FAM222B: variants seen among roughly 807,000 people sequenced by gnomAD.
FAM222B encodes protein FAM222B.
Under a neutral mutation model 38.0 loss-of-function variants are expected in FAM222B, and 12 were observed. That is an observed-to-expected ratio of 0.32 (90% confidence interval 0.20 to 0.51). The LOEUF (loss-of-function observed/expected upper bound fraction) is 0.51, where lower values mean the gene tolerates loss of function less well. Among genes scored for constraint, FAM222B ranks in the 20% least tolerant of loss-of-function variants. FAM222B has a pLI of 0.97. For missense variants in FAM222B, 716 were observed against 754.2 expected, an observed-to-expected ratio of 0.95 and a Z score of 0.59; for synonymous variants, 329 against 317.2, an observed-to-expected ratio of 1.04 and a Z score of -0.40.
At chr17:28,851,079 G>A (rs1274933822) in intron 1 of FAM222B, among the ~76,000 whole-genome samples, 1 of 151,610 alleles carries the variant, frequency 6.6e-6, no homozygotes, top group South Asian at 2.1e-4. Context: ...AGATCGCACC[G>A]CTGCACTCCA....
chr17:28,761,297 C>T (rs1457086841), intron 2 of FAM222B, among the ~76,000 whole-genome samples: 4 of 152,216 alleles, frequency 2.6e-5, no homozygotes, highest in African/African-American at 7.2e-5. Context: ...TCTACTCTCT[C>T]GTCTCTGAGG....
At chr17:28,848,136 G>A (rs1007405567) in intron 1 of FAM222B, among the ~76,000 whole-genome samples, 2 of 152,012 alleles carry the variant, frequency 1.3e-5, no homozygotes, top group Non-Finnish European at 2.9e-5. Flanking sequence ...CTTTCTCTGG[G>A]TTGGCTCTCC....
intron 1 of FAM222B, among the ~76,000 whole-genome samples, chr17:28,778,341 G>T (rs2035990959): frequency 6.6e-6 from 1 of 151,824 alleles, no homozygotes; most frequent in Admixed American, 6.6e-5. Flanking sequence ...GTGAGAACAT[G>T]CGGTGTTTGG....
chr17:28,758,163 A>T lies in FAM222B; in HGVS notation c.*107T>A, dbSNP rs2034801347. ...AAATTCCCTTTCTTAGACATCTAAGAATGATCACACTGGAGCAGTGAAACT... is the reference window on the plus strand; with the variant it reads ...AAATTCCCTTTCTTAGACATCTAAGTATGATCACACTGGAGCAGTGAAACT... On this transcript the variant is annotated 3_prime_UTR_variant, in exon 3 of 3. Transcript: ENST00000581407. 1 of 1,004,148 alleles carries T rather than the reference A, an allele frequency of 1.0e-6. No homozygotes were observed. The highest frequency in any genetic ancestry group is 2.9e-5 in the Admixed American group (1 of 34,122). 62.2% of individuals were successfully genotyped at this position (1,004,148 alleles called of 1,614,324 possible).
chr17:28,832,212 A>T (rs2038692550), intron 1 of FAM222B, among the ~76,000 whole-genome samples: 1 of 152,098 alleles, frequency 6.6e-6, no homozygotes, highest in African/African-American at 2.4e-5. Context: ...ATAAAAATAA[A>T]AAATAATAAA....
At chr17:28,853,647 A>G (rs1755380980) in intron 1 of FAM222B, among the ~76,000 whole-genome samples, 1 of 152,182 alleles carries the variant, frequency 6.6e-6, no homozygotes, top group African/African-American at 2.4e-5. Flanking sequence ...GGGGTCCCTG[A>G]AATCCCGTGA....
chr17:28,800,271 T>C (rs1474725254), intron 1 of FAM222B, among the ~76,000 whole-genome samples: 1 of 151,584 alleles, frequency 6.6e-6, no homozygotes, highest in African/African-American at 2.4e-5. Context: ...TCAGGTGATC[T>C]GCATGCCTTG....
chr17:28,824,077 C>G (rs1219629609), intron 1 of FAM222B, among the ~76,000 whole-genome samples: 1 of 152,046 alleles, frequency 6.6e-6, no homozygotes, highest in Non-Finnish European at 1.5e-5. Context: ...CAGGGTTTCA[C>G]CGTGTTAGCC....
intron 1 of FAM222B, among the ~76,000 whole-genome samples, chr17:28,773,534 C>A (rs181566543): frequency 1.4e-5 from 2 of 147,172 alleles, no homozygotes; most frequent in Admixed American, 1.4e-4. Flanking sequence ...CACATTGGCT[C>A]ACGCCTGTAA....
intron 1 of FAM222B, among the ~76,000 whole-genome samples, chr17:28,835,704 G>A (rs969810533): frequency 2.0e-5 from 3 of 152,130 alleles, no homozygotes; most frequent in Non-Finnish European, 4.4e-5. Context: ...CTGTCGCCCA[G>A]GCTGGAGTGC....
intron 1 of FAM222B, among the ~76,000 whole-genome samples, chr17:28,825,504 T>TC (rs1348689494): frequency 2.6e-5 from 4 of 151,354 alleles, no homozygotes; most frequent in African/African-American, 9.7e-5. Context: ...AATCTCACTG[T>TC]CACCTAGCCT....
At chr17:28,854,964 C>T (rs1598073086) in exon 1 of FAM222B, 1 of 1,496,588 alleles carries the variant, frequency 6.7e-7, no homozygotes, top group East Asian at 2.3e-5. Flanking sequence ...CTCCTACTCG[C>T]TGGTTCGTCA....
At chr17:28,805,501 C>T (rs1337995448) in intron 1 of FAM222B, among the ~76,000 whole-genome samples, 1 of 152,014 alleles carries the variant, frequency 6.6e-6, no homozygotes, top group African/African-American at 2.4e-5. Flanking sequence ...TGCCACTGAA[C>T]TCCAGCCTGG....
At chr17:28,831,837 T>C (rs902579946) in intron 1 of FAM222B, among the ~76,000 whole-genome samples, 2 of 152,010 alleles carry the variant, frequency 1.3e-5, no homozygotes, top group African/African-American at 4.8e-5. Context: ...CTTTTTAAAC[T>C]TTCCCACAAA....
intron 2 of FAM222B, among the ~76,000 whole-genome samples, chr17:28,765,024 C>A (rs1208895160): frequency 6.6e-6 from 1 of 152,152 alleles, no homozygotes; most frequent in African/African-American, 2.4e-5. Context: ...TAACATAACA[C>A]CTTCATCACC....
intron 1 of FAM222B, among the ~76,000 whole-genome samples, chr17:28,779,438 T>C (rs2036060697): frequency 6.6e-6 from 1 of 151,970 alleles, no homozygotes; most frequent in African/African-American, 2.4e-5. Flanking sequence ...AACCATATGA[T>C]CATCACAACA....
intron 2 of FAM222B, among the ~76,000 whole-genome samples, chr17:28,761,462 G>GGCCAACGACTAATCTGACTT: frequency 6.6e-6 from 1 of 152,240 alleles, no homozygotes; most frequent in Non-Finnish European, 1.5e-5. Flanking sequence ...CAGGAGGATA[G>GGCCAACGACTAATCTGACTT]GCCAACGACT....
At chr17:28,826,892 G>A (rs1309328255) in intron 1 of FAM222B, among the ~76,000 whole-genome samples, 5 of 152,078 alleles carry the variant, frequency 3.3e-5, no homozygotes, top group Admixed American at 2.6e-4. Context: ...TGTAATCCCA[G>A]CACTTTGCGA....
At chr17:28,787,498 G>A (rs770715584) in intron 1 of FAM222B, among the ~76,000 whole-genome samples, 7 of 152,054 alleles carry the variant, frequency 4.6e-5, no homozygotes, top group Non-Finnish European at 8.8e-5. Context: ...TATGGTTCAC[G>A]CTCCACATGT....
Sources: allele counts gnomAD v4.1 joint callset (sites outside exome capture counted in the v4.1 genomes callset), GRCh38; gene constraint gnomAD v4.1.1; transcripts MANE v1.5; gene names NCBI Gene and HGNC (gene_info 2026-07-23, HGNC 2026-07-21).